ADAMTS19: variants seen among roughly 807,000 people sequenced by gnomAD.
ADAMTS19 encodes A disintegrin and metalloproteinase with thrombospondin motifs 19.
Under a neutral mutation model 153.3 loss-of-function variants are expected in ADAMTS19, and 93 were observed. The observed-to-expected ratio is 0.61, with a 90% CI of 0.51 to 0.72. The LOEUF (loss-of-function observed/expected upper bound fraction) is 0.72, where lower values mean the gene tolerates loss of function less well. ADAMTS19 is among the 30% of genes least tolerant of loss of function. ADAMTS19 has a pLI of 0.00. For synonymous variants in ADAMTS19, 600 were observed against 556.6 expected (o/e 1.08, Z -1.10); for missense variants, 1,482 against 1,552.1 (o/e 0.95, Z 0.76).
intron 7 of ADAMTS19, among the ~76,000 whole-genome samples, chr5:129,580,228 C>T (rs1246788197): frequency 1.3e-5 from 2 of 152,088 alleles, no homozygotes; most frequent in African/African-American, 4.8e-5. Context: ...CATGATTTGG[C>T]TTTCTATTCA....
Position 129,658,345 on chromosome 5 carries a change from GAA to G in ADAMTS19, c.2305-270_2305-269del, listed in dbSNP as rs1561632381. Among the ~76,000 whole-genome samples, 29 of 149,028 alleles carry G rather than the reference GAA, an allele frequency of 1.9e-4. 1 individual carries two copies. The highest frequency in any genetic ancestry group is 1.9e-3 in the South Asian group (9 of 4,706). On this transcript the variant is annotated intron_variant, in intron 14 of 22. Transcript: ENST00000274487. ...AGAAAGAAAGAAAGAAAGAAAGAAA[GAA>G]AGAAAGAAAGAAAGAAAGAAAGAGA...
chr5:129,630,628 A>G (rs1456718209), intron 10 of ADAMTS19, among the ~76,000 whole-genome samples: 1 of 152,114 alleles, frequency 6.6e-6, no homozygotes, highest in African/African-American at 2.4e-5. Flanking sequence ...TGTGGAATCT[A>G]CAAAACTATA....
chr5:129,668,602 A>G (rs1351181184), intron 16 of ADAMTS19, among the ~76,000 whole-genome samples: 1 of 151,984 alleles, frequency 6.6e-6, no homozygotes, highest in Non-Finnish European at 1.5e-5. Context: ...AGAAGACTCC[A>G]CCTTCTAATG....
intron 20 of ADAMTS19, among the ~76,000 whole-genome samples, chr5:129,702,939 AAAATATATATATAT>A (rs1355208524): frequency 3.5e-4 from 5 of 14,222 alleles, no homozygotes; most frequent in African/African-American, 8.4e-4. Context: ...CAAAAAAAAA[AAAATATATATATAT>A]ATATATATAT....
intron 6 of ADAMTS19, among the ~76,000 whole-genome samples, chr5:129,550,691 A>G (rs1173638871): frequency 6.7e-6 from 1 of 148,504 alleles, no homozygotes; most frequent in Admixed American, 6.7e-5. Flanking sequence ...AATAGGCAAA[A>G]GTATTGTGCT....
At chr5:129,699,422 CAAAAA>C (rs536240544) in intron 19 of ADAMTS19, among the ~76,000 whole-genome samples, 1 of 80,582 alleles carries the variant, frequency 1.2e-5, no homozygotes. Flanking sequence ...GACTTCATCT[CAAAAA>C]AAAAAAAAAA....
chr5:129,627,020 A>T (rs1291559248), intron 10 of ADAMTS19, among the ~76,000 whole-genome samples: 1 of 152,080 alleles, frequency 6.6e-6, no homozygotes, highest in Non-Finnish European at 1.5e-5. Context: ...CAGCAAGAGA[A>T]AACAGAATGC....
chr5:129,532,375 C>T (rs1752238636), intron 6 of ADAMTS19, among the ~76,000 whole-genome samples: 1 of 152,062 alleles, frequency 6.6e-6, no homozygotes, highest in African/African-American at 2.4e-5. Flanking sequence ...AGATACTCAA[C>T]ATCATTAGTA....
At chr5:129,732,966 A>G (rs896797551) in intron 21 of ADAMTS19, among the ~76,000 whole-genome samples, 2 of 152,104 alleles carry the variant, frequency 1.3e-5, no homozygotes, top group Admixed American at 1.3e-4. Flanking sequence ...AGATACACAG[A>G]TCAAGGGAAC....
chr5:129,583,988 G>A (rs1749654747), intron 7 of ADAMTS19, among the ~76,000 whole-genome samples: 1 of 152,038 alleles, frequency 6.6e-6, no homozygotes, highest in African/African-American at 2.4e-5. Context: ...GACGAGAAGA[G>A]GCATTCTGGT....
intron 18 of ADAMTS19, among the ~76,000 whole-genome samples, chr5:129,686,752 G>A (rs1342598043): frequency 1.3e-5 from 2 of 152,130 alleles, no homozygotes; most frequent in Non-Finnish European, 2.9e-5. Context: ...CCAGAGCAAA[G>A]GCAACATCAG....
rs34742030 is a variant in ADAMTS19 at position 129,504,872 on chromosome 5, G to GACACACACACACACACACAC, written c.748-4192_748-4173dup. Among the ~76,000 whole-genome samples, 10 of 148,222 alleles carry GACACACACACACACACACAC rather than the reference G, an allele frequency of 6.7e-5. No homozygotes were observed. In the East Asian group the frequency reaches 1.4e-3, roughly 21 times the overall value. ...GTAGTATTCTGTCTACACACACACAGACACACACACACACACACACACACA... is the reference window on the plus strand; with the variant it reads ...GTAGTATTCTGTCTACACACACACAGACACACACACACACACACACACACACACACACACACACACACACA... On this transcript the variant is annotated intron_variant, in intron 2 of 22. Coordinates refer to ENST00000274487, the MANE Select transcript of ADAMTS19 (RefSeq NM_133638.6).
At chr5:129,509,814 T>C (rs1425141041) in intron 3 of ADAMTS19, among the ~76,000 whole-genome samples, 1 of 151,930 alleles carries the variant, frequency 6.6e-6, no homozygotes, top group East Asian at 1.9e-4. Context: ...AACCATCAAA[T>C]CCTTGGCTCT....
intron 6 of ADAMTS19, among the ~76,000 whole-genome samples, chr5:129,536,963 G>T (rs1752456952): frequency 6.6e-6 from 1 of 151,796 alleles, no homozygotes. Flanking sequence ...AATGCTAAAT[G>T]ATGAGTTAAT....
chr5:129,607,778 A>G (rs1476333502), intron 8 of ADAMTS19, among the ~76,000 whole-genome samples: 1 of 152,004 alleles, frequency 6.6e-6, no homozygotes, highest in Non-Finnish European at 1.5e-5. Context: ...TGAATGTGAA[A>G]GGGCCAAATC....
At chr5:129,608,840 C>CT (rs979209048) in intron 8 of ADAMTS19, among the ~76,000 whole-genome samples, 10 of 107,322 alleles carry the variant, frequency 9.3e-5, no homozygotes, top group African/African-American at 2.9e-4. Flanking sequence ...CAGCAAGACT[C>CT]TGTCTCAAAA....
At chr5:129,663,393 T>G (rs1413745196) in intron 15 of ADAMTS19, among the ~76,000 whole-genome samples, 1 of 152,210 alleles carries the variant, frequency 6.6e-6, no homozygotes, top group Non-Finnish European at 1.5e-5. Flanking sequence ...TACAGAGTTC[T>G]TACTGGATGT....
intron 7 of ADAMTS19, among the ~76,000 whole-genome samples, chr5:129,589,052 A>G (rs1749964257): frequency 6.6e-6 from 1 of 151,966 alleles, no homozygotes; most frequent in Non-Finnish European, 1.5e-5. Context: ...TTATATTAAC[A>G]TAGTCTAAAA....
chr5:129,590,536 C>T (rs1170675409), intron 7 of ADAMTS19, among the ~76,000 whole-genome samples: 1 of 152,124 alleles, frequency 6.6e-6, no homozygotes, highest in Non-Finnish European at 1.5e-5. Flanking sequence ...ATAAAAACTG[C>T]ACGTTAAGAG....
Sources: allele counts gnomAD v4.1 joint callset (sites outside exome capture counted in the v4.1 genomes callset), GRCh38; gene constraint gnomAD v4.1.1; transcripts MANE v1.5; gene names NCBI Gene and HGNC (gene_info 2026-07-23, HGNC 2026-07-21).